Variants in CNTNAP2 observed in about 807,000 individuals in gnomAD.
CNTNAP2 encodes contactin-associated protein-like 2.
A neutral mutation model predicts 155.2 loss-of-function variants in CNTNAP2; 98 were observed. The ratio of observed to expected loss-of-function variants is 0.63; its 90% confidence interval spans 0.54 to 0.75. The LOEUF is 0.75. CNTNAP2 is among the 30% of genes least tolerant of loss of function. The pLI is 0.00. For synonymous variants in CNTNAP2, 651 were observed against 631.2 expected, an observed-to-expected ratio of 1.03 and a Z score of -0.47; for missense variants, 1,727 against 1,688.1, an observed-to-expected ratio of 1.02 and a Z score of -0.40.
intron 8 of CNTNAP2, among the ~76,000 whole-genome samples, chr7:147,151,321 T>C (rs1188488052): frequency 6.6e-6 from 1 of 152,060 alleles, no homozygotes; most frequent in East Asian, 1.9e-4. Flanking sequence ...AGGGAACTGG[T>C]GTAACGGGAA....
intron 20 of CNTNAP2, among the ~76,000 whole-genome samples, chr7:148,258,278 C>T (rs143022893): frequency 5.8e-4 from 88 of 152,272 alleles, no homozygotes; most frequent in African/African-American, 2.0e-3. Context: ...ACGGTCTCAC[C>T]AAGGGAGGAT....
In CNTNAP2 at chr7:146,849,197, G is replaced by A. The variant is rs141533599; in HGVS notation, c.402+9293G>A. On this transcript the variant is annotated intron_variant, in intron 3 of 23. Transcript: ENST00000361727. ...GAAGAACCTTGGAGTTTATGCAGTCGCCTAGGGCACATTTTTATCTCTGTG... is the reference window on the plus strand; with the variant it reads ...GAAGAACCTTGGAGTTTATGCAGTCACCTAGGGCACATTTTTATCTCTGTG... 1.3e-3 allele frequency among the ~76,000 whole-genome samples: 196 copies of A among 152,206 alleles called. 1 individual carries two copies. Among genetic ancestry groups the A allele is most frequent in the African/African-American group, 4.4e-3 (182 of 41,542 alleles).
intron 1 of CNTNAP2, among the ~76,000 whole-genome samples, chr7:146,209,017 A>T (rs1026967481): frequency 3.9e-5 from 6 of 152,074 alleles, no homozygotes; most frequent in African/African-American, 1.4e-4. Flanking sequence ...TGAGCCTTTT[A>T]TGCTGTGTGG....
chr7:147,925,205 A>AGGAAGGAAGGAAGGAG (rs1491108932), intron 14 of CNTNAP2, among the ~76,000 whole-genome samples: 91 of 132,198 alleles, frequency 6.9e-4, no homozygotes, highest in Admixed American at 1.4e-3. Context: ...GAAGGAAGGA[A>AGGAAGGAAGGAAGGAG]GGAAAGAAGG....
intron 3 of CNTNAP2, among the ~76,000 whole-genome samples, chr7:146,899,126 C>T (rs1443310694): frequency 6.6e-6 from 1 of 152,028 alleles, no homozygotes; most frequent in Non-Finnish European, 1.5e-5. Flanking sequence ...TGTGGATTAC[C>T]CTCTTCCAGA....
intron 12 of CNTNAP2, among the ~76,000 whole-genome samples, chr7:147,589,391 A>C (rs1276438472): frequency 6.6e-6 from 1 of 152,152 alleles, no homozygotes; most frequent in Non-Finnish European, 1.5e-5. Context: ...AATATAATAA[A>C]GGCTTATGGA....
chr7:147,906,072 C>T (rs1011860391), intron 14 of CNTNAP2, among the ~76,000 whole-genome samples: 6 of 152,126 alleles, frequency 3.9e-5, no homozygotes, highest in African/African-American at 1.4e-4. Context: ...AGAAGCATGA[C>T]GGAGCTGGGC....
At chr7:148,273,497 CTT>C (rs1454969292) in intron 21 of CNTNAP2, among the ~76,000 whole-genome samples, 2 of 152,332 alleles carry the variant, frequency 1.3e-5, no homozygotes, top group South Asian at 4.1e-4. Flanking sequence ...TCTGAGCCCT[CTT>C]TAATTAATCG....
chr7:147,570,828 T>A (rs1054742910), intron 12 of CNTNAP2, among the ~76,000 whole-genome samples: 11 of 152,210 alleles, frequency 7.2e-5, no homozygotes, highest in African/African-American at 2.7e-4. Context: ...TATGTGTATG[T>A]GCACACACAA....
rs112865052 is a variant in CNTNAP2, at chr7:146,796,626, G to A, written c.208+22245G>A. Among the ~76,000 whole-genome samples, 87 of 152,190 alleles carry A rather than the reference G, an allele frequency of 5.7e-4. 4 individuals are homozygous for A. The highest frequency in any genetic ancestry group is 2.0e-3 in the African/African-American group (82 of 41,524). On this transcript the variant is annotated intron_variant, in intron 2 of 23. Transcript: ENST00000361727. ...TGATATAACGGTATAGGGACTTAGA[G>A]GGCCGACTATGACTTCCTAGGTTAG...
At chr7:146,437,995 T>C (rs1796267523) in intron 1 of CNTNAP2, among the ~76,000 whole-genome samples, 1 of 151,408 alleles carries the variant, frequency 6.6e-6, no homozygotes, top group Non-Finnish European at 1.5e-5. Context: ...GGGGTTGTTA[T>C]GGAACAGAAC....
intron 1 of CNTNAP2, among the ~76,000 whole-genome samples, chr7:146,254,160 CACAAGCAA>C (rs1345054413): frequency 1.6e-5 from 2 of 126,634 alleles, no homozygotes; most frequent in African/African-American, 7.5e-5. Flanking sequence ...CACACACACA[CACAAGCAA>C]ACACACACAA....
chr7:146,721,244 CTATATTCTCTATATACTCTCTA>C (rs1563203313), intron 1 of CNTNAP2, among the ~76,000 whole-genome samples: 3 of 116,412 alleles, frequency 2.6e-5, no homozygotes, highest in Non-Finnish European at 5.1e-5. Context: ...TATACTCTCT[CTATATTCTCTATATACTCTCTA>C]TATATTCTAT....
intron 12 of CNTNAP2, among the ~76,000 whole-genome samples, chr7:147,589,271 A>G (rs1800694015): frequency 6.6e-6 from 1 of 152,190 alleles, no homozygotes; most frequent in African/African-American, 2.4e-5. Flanking sequence ...TTTGGTGAAA[A>G]TGTTTCCCCT....
At chr7:146,678,701 CTAAT>C (rs1164354520) in intron 1 of CNTNAP2, among the ~76,000 whole-genome samples, 8 of 152,198 alleles carry the variant, frequency 5.3e-5, no homozygotes, top group African/African-American at 1.9e-4. Flanking sequence ...ATGAAATCAT[CTAAT>C]TAATTCATAC....
intron 3 of CNTNAP2, among the ~76,000 whole-genome samples, chr7:146,934,588 TTAA>T (rs1305496174): frequency 6.6e-6 from 1 of 152,048 alleles, no homozygotes; most frequent in Admixed American, 6.6e-5. Flanking sequence ...CCATAAAACT[TTAA>T]TAATAATAAA....
intron 10 of CNTNAP2, among the ~76,000 whole-genome samples, chr7:147,446,582 T>TTA (rs141289943): frequency 0.012 from 1,826 of 152,324 alleles, 23 homozygotes; most frequent in South Asian, 0.054. Flanking sequence ...CGAGAGGACC[T>TTA]AACTGTTGTA....
chr7:146,341,660 C>T (rs1794731346), intron 1 of CNTNAP2, among the ~76,000 whole-genome samples: 1 of 151,834 alleles, frequency 6.6e-6, no homozygotes, highest in Admixed American at 6.6e-5. Flanking sequence ...TATAATTAGG[C>T]AGAAAAGCAA....
At chr7:147,132,132 C>T (rs1801387053) in intron 7 of CNTNAP2, 113 bp from the exon 8 acceptor site, 1 of 1,360,240 alleles carries the variant, frequency 7.4e-7, no homozygotes, top group East Asian at 2.3e-5. Flanking sequence ...GTGAGTTTAG[C>T]TTAGGCTCAG....
Sources: gnomAD v4.1 joint callset for allele counts (sites outside exome capture counted in the v4.1 genomes callset) on GRCh38, gnomAD v4.1.1 for gene constraint, MANE v1.5 for transcripts, NCBI Gene and HGNC (gene_info 2026-07-23, HGNC 2026-07-21) for gene names.